The following ROS1 variants were observed in gnomAD, a reference collection of about 807,000 sequenced individuals.
The protein encoded by ROS1 is proto-oncogene tyrosine-protein kinase ROS.
A neutral mutation model predicts 273.5 loss-of-function variants in ROS1; 263 were observed. That is an observed-to-expected ratio of 0.96 (90% CI 0.87 to 1.06). The LOEUF (loss-of-function observed/expected upper bound fraction) is 1.06. Ranked by LOEUF, ROS1 falls within the 50% of genes least tolerant of loss-of-function variation. The pLI is 0.00. For synonymous variants in ROS1, 1,008 were observed against 954.1 expected, an observed-to-expected ratio of 1.06 and a Z score of -1.04; for missense variants, 2,833 against 2,751.1, an observed-to-expected ratio of 1.03 and a Z score of -0.67.
chr6:117,351,204 G>T (rs1466319819), intron 27 of ROS1, among the ~76,000 whole-genome samples: 2 of 152,042 alleles, frequency 1.3e-5, no homozygotes, highest in South Asian at 4.2e-4. Flanking sequence ...TTTGCTTTTC[G>T]ACTGTGAACT....
chr6:117,349,359 T>C (rs1042531351), intron 27 of ROS1, among the ~76,000 whole-genome samples: 2 of 152,064 alleles, frequency 1.3e-5, no homozygotes, highest in African/African-American at 4.8e-5. Context: ...TTCCTTGCTC[T>C]GAAGTCTGCT....
At chr6:117,371,380 C>G (rs997241801) in intron 18 of ROS1, among the ~76,000 whole-genome samples, 2 of 151,994 alleles carry the variant, frequency 1.3e-5, no homozygotes, top group Non-Finnish European at 2.9e-5. Context: ...TACAGCCAAG[C>G]AAAATATAGG....
chr6:117,292,566 C>G (rs1773920957), intron 43 of ROS1, among the ~76,000 whole-genome samples: 1 of 152,176 alleles, frequency 6.6e-6, no homozygotes, highest in African/African-American at 2.4e-5. Flanking sequence ...TCACTCTCTT[C>G]TTATTTCATA....
chr6:117,380,893 C>CT (rs902175743), intron 17 of ROS1, among the ~76,000 whole-genome samples: 5 of 152,080 alleles, frequency 3.3e-5, no homozygotes, highest in African/African-American at 1.2e-4. Flanking sequence ...TTTGTTCATT[C>CT]TTTTTTTATC....
At chr6:117,302,452 G>A (rs2128539243) in intron 42 of ROS1, among the ~76,000 whole-genome samples, 1 of 152,234 alleles carries the variant, frequency 6.6e-6, no homozygotes, top group Non-Finnish European at 1.5e-5. Flanking sequence ...AATTCAATAA[G>A]GAGTGACTTA....
intron 5 of ROS1, among the ~76,000 whole-genome samples, chr6:117,406,160 C>CATAT (rs375705817): frequency 1.3e-5 from 2 of 150,922 alleles, no homozygotes; most frequent in African/African-American, 4.9e-5. Context: ...CTCTCTCTCT[C>CATAT]ATATATATAT....
intron 7 of ROS1, among the ~76,000 whole-genome samples, chr6:117,399,034 T>TAC (rs1773736354): frequency 6.7e-6 from 1 of 148,170 alleles, no homozygotes; most frequent in African/African-American, 2.5e-5. Context: ...TAAAAGAGAA[T>TAC]AGGGTTATGA....
rs759033531 is a variant in ROS1 at position 117,366,056 on chromosome 6, G to A, written c.2797+20C>T. 1 of 1,559,712 alleles carries A rather than the reference G, an allele frequency of 6.4e-7. No individual in the cohort carries two copies. The highest frequency in any genetic ancestry group is 8.8e-7 in the Non-Finnish European group (1 of 1,130,670). The stretch of plus-strand genomic sequence containing the variant: ...CTGAAGGTATAGTGGAGTAGGGTAA[G>A]CAGGAATGAAATACTGTACCTGGCA... On this transcript the variant is annotated intron_variant, in intron 19 of 43. Transcript: ENST00000368507.
Position 117,326,364 on chromosome 6 carries a change from G to A in ROS1, c.5399C>T (p.Thr1800Ile), listed in dbSNP as rs768305668. 4 of 1,569,916 alleles carry A rather than the reference G, an allele frequency of 2.5e-6. No homozygotes were observed. Among genetic ancestry groups the A allele is most frequent in the South Asian group, 2.4e-5 (2 of 82,454 alleles). The change falls in exon 34 of 44, where the codon ACA (threonine) becomes ATA (isoleucine). Residue 1800 changes from threonine (T) to isoleucine (I), a missense_variant. By Grantham distance (89) the Thr-to-Ile change is moderately conservative (BLOSUM62 -1). Coordinates refer to ENST00000368507, the MANE Select transcript of ROS1 (RefSeq NM_001378902.1). ...LQNQNLRWKMTFNGSCSSVCT... is the reference protein window; with the variant it reads ...LQNQNLRWKMIFNGSCSSVCT... ...AACACTACTGCAGGATCCATTAAAT[G>A]TCATCTTCCACCTTAAATTCTGGTT...
intron 36 of ROS1, 139 bp downstream of exon 36, chr6:117,321,120 G>A (rs1290618748): frequency 1.2e-6 from 1 of 843,590 alleles, no homozygotes; most frequent in South Asian, 3.0e-5. Context: ...GAGAGTGGAA[G>A]AGGAAGTTAT....
chr6:117,418,270 T>C (rs548826396), intron 2 of ROS1, among the ~76,000 whole-genome samples, 192 bp downstream of exon 2: 121 of 152,354 alleles, frequency 7.9e-4, no homozygotes, highest in African/African-American at 2.9e-3. Context: ...GGATTGGTCC[T>C]GTGCTATTTC....
At chr6:117,300,018 GTTCAT>G (rs1774568776) in intron 43 of ROS1, among the ~76,000 whole-genome samples, 1 of 140,614 alleles carries the variant, frequency 7.1e-6, no homozygotes, top group East Asian at 2.1e-4. Context: ...CACCTCCCGG[GTTCAT>G]GCCATTCTCC....
intron 43 of ROS1, among the ~76,000 whole-genome samples, chr6:117,291,551 A>C (rs907396855): frequency 3.3e-5 from 5 of 152,198 alleles, no homozygotes; most frequent in African/African-American, 1.2e-4. Flanking sequence ...CTGAGAGGAA[A>C]GGCTCAACAA....
rs761904834 is a variant in ROS1, at chr6:117,341,278, T to C, written c.4918A>G (p.Thr1640Ala). 16 of 1,613,438 alleles carry C rather than the reference T, an allele frequency of 9.9e-6. No individual in the cohort carries two copies. Among genetic ancestry groups the C allele is most frequent in the African/African-American group, 1.3e-5 (1 of 74,878 alleles). The stretch of plus-strand genomic sequence containing the variant: ...TCCACAGTGACAGGATGACTCTCTG[T>C]ACACCACATTTCCTCAGAGTGGCAG... ...LACHSEEMWCTESHPVTVEMF... is the reference protein window; with the variant it reads ...LACHSEEMWCAESHPVTVEMF... The change falls in exon 31 of 44, where the codon ACA becomes GCA. Residue 1640 changes from threonine (T) to alanine (A), a missense_variant. Physicochemically the swap from Thr to Ala is moderately conservative, Grantham distance 58 (BLOSUM62 0). Coordinates refer to ENST00000368507, the MANE Select transcript of ROS1 (RefSeq NM_001378902.1).
At chr6:117,342,115 G>T (rs1319678161) in intron 29 of ROS1, among the ~76,000 whole-genome samples, 3 of 152,102 alleles carry the variant, frequency 2.0e-5, no homozygotes, top group Admixed American at 2.0e-4. Context: ...TGGAAAAAGT[G>T]ACACTGTGTG....
chr6:117,365,121 A>T lies in ROS1; in HGVS notation c.3042T>A (p.Thr1014=). 1 of 1,613,732 alleles carries T rather than the reference A, an allele frequency of 6.2e-7. No homozygotes were observed. The highest frequency in any genetic ancestry group is 8.5e-7 in the Non-Finnish European group (1 of 1,179,656). Residue 1014 remains threonine, a synonymous_variant, in exon 21 of 44, where the codon ACT becomes ACA. Coordinates refer to ENST00000368507, the MANE Select transcript of ROS1 (RefSeq NM_001378902.1). ...EPYALFNLSV[T]PYTYWGKGPK... is the part of the protein sequence containing the mutation. The stretch of plus-strand genomic sequence containing the variant: ...GGCCCTTTCCCCAGTAGGTATAAGG[A>T]GTGACAGAAAGATTAAATAAGGCAT...
At chr6:117,353,295 AT>A in intron 26 of ROS1, 129 bp from the exon 27 acceptor site, 1 of 655,218 alleles carries the variant, frequency 1.5e-6, no homozygotes, top group Non-Finnish European at 2.5e-6. Context: ...ACATTAAAAA[AT>A]ACCTTTATTT....
Position 117,383,527 on chromosome 6 carries a change from T to G in ROS1, c.2290-19A>C. The G allele has an allele frequency of 6.3e-7, 1 of 1,584,300 alleles. No individual in the cohort carries two copies. The highest frequency in any genetic ancestry group is 8.7e-7 in the Non-Finnish European group (1 of 1,153,052). ...TTTGTATCTAAAAAACATAATTGTA[T>G]GGCCAGTTAATGGCTTTCAAGTGAC... On this transcript the variant is annotated intron_variant, in intron 16 of 43. Transcript: ENST00000368507.
In ROS1 at chr6:117,316,811, T is replaced by C. The variant is rs144474041; in HGVS notation, c.6117+332A>G. Among the ~76,000 whole-genome samples the C allele has an allele frequency of 7.6e-4, 115 of 152,122 alleles. 1 individual carries two copies. The East Asian group carries it at 0.02, about 26-fold the overall frequency. On this transcript the variant is annotated intron_variant, in intron 39 of 43. Coordinates refer to ENST00000368507, the MANE Select transcript of ROS1 (RefSeq NM_001378902.1). ...AAGACATCAAGACTGGAAATATAAT[T>C]TGGGACAGACAGGCATATAGATTAA...
Sources: gnomAD v4.1 joint callset for allele counts (sites outside exome capture counted in the v4.1 genomes callset) on GRCh38, gnomAD v4.1.1 for gene constraint, MANE v1.5 for transcripts, NCBI Gene and HGNC (gene_info 2026-07-23, HGNC 2026-07-21) for gene names.